HMG20A: variants seen among roughly 807,000 people sequenced by gnomAD.
HMG20A encodes high mobility group 20A.
In HMG20A, 17 loss-of-function variants were observed where a neutral mutation model predicts 43.9. The observed-to-expected ratio is 0.39, with a 90% confidence interval of 0.27 to 0.58. HMG20A has a LOEUF of 0.58. HMG20A is among the 20% of genes least tolerant of loss of function. The pLI is 0.59. For missense variants in HMG20A, 341 were observed against 438.2 expected, an observed-to-expected ratio of 0.78 and a Z score of 1.98; for synonymous variants, 132 against 147.5, an observed-to-expected ratio of 0.89 and a Z score of 0.76.
chr15:77,433,019 TGAA>T (rs1377387751), intron 1 of HMG20A, among the ~76,000 whole-genome samples: 4 of 152,234 alleles, frequency 2.6e-5, no homozygotes, highest in African/African-American at 7.2e-5. Flanking sequence ...AAAATTGACA[TGAA>T]GAAATAGAAT....
At chr15:77,515,726 T>G in the HMG20A span, among the ~76,000 whole-genome samples, 1 of 152,158 alleles carries the variant, frequency 6.6e-6, no homozygotes, top group Non-Finnish European at 1.5e-5. Context: ...CTCCAAACAT[T>G]GTAGGCCAAA....
chr15:77,471,562 T>A (rs188253325), intron 5 of HMG20A, among the ~76,000 whole-genome samples: 1 of 152,336 alleles, frequency 6.6e-6, no homozygotes, highest in East Asian at 1.9e-4. Flanking sequence ...AGTTAAGAAC[T>A]GTGTCTGCTG....
chr15:77,499,868 C>T, the HMG20A span, among the ~76,000 whole-genome samples: 2 of 151,096 alleles, frequency 1.3e-5, no homozygotes, highest in African/African-American at 4.9e-5. Flanking sequence ...CTCACTCTGT[C>T]GCCCAGCCTG....
At chr15:77,488,032 C>G (rs1595936321), downstream of HMG20A, among the ~76,000 whole-genome samples, 1 of 152,076 alleles carries the variant, frequency 6.6e-6, no homozygotes, top group South Asian at 2.1e-4. Flanking sequence ...ATTCTCTTAG[C>G]TTAGTGAAAT....
intron 1 of HMG20A, among the ~76,000 whole-genome samples, chr15:77,443,375 TG>T (rs1567394369): frequency 1.4e-3 from 192 of 134,674 alleles, no homozygotes; most frequent in East Asian, 1.9e-3. Flanking sequence ...ATGATGATGA[TG>T]ATGATTATTA....
At chr15:77,467,620 C>T (rs2072768971) in intron 4 of HMG20A, among the ~76,000 whole-genome samples, 1 of 152,152 alleles carries the variant, frequency 6.6e-6, no homozygotes. Context: ...AAATGTATTC[C>T]ACTGAGTTAA....
chr15:77,431,242 C>A (rs1315050326), intron 1 of HMG20A, among the ~76,000 whole-genome samples: 1 of 151,950 alleles, frequency 6.6e-6, no homozygotes, highest in Non-Finnish European at 1.5e-5. Flanking sequence ...GATGGAGTCT[C>A]CCTCTGTCAC....
At chr15:77,509,596 G>A in the HMG20A span, among the ~76,000 whole-genome samples, 11 of 140,226 alleles carry the variant, frequency 7.8e-5, no homozygotes, top group African/African-American at 2.8e-4. Flanking sequence ...GTGTGTGTGT[G>A]TGTGTGTGTG....
the HMG20A span, among the ~76,000 whole-genome samples, chr15:77,511,256 AATAAAT>A: frequency 5.5e-3 from 845 of 152,322 alleles, 5 homozygotes; most frequent in African/African-American, 0.018. Context: ...TGGATCTAGA[AATAAAT>A]ATAAATATAT....
the HMG20A span, among the ~76,000 whole-genome samples, chr15:77,513,882 T>C: frequency 1.3e-5 from 2 of 152,132 alleles, no homozygotes; most frequent in South Asian, 2.1e-4. Context: ...TGCGCCACCA[T>C]GCCCAGCTAA....
chr15:77,496,906 C>A, the HMG20A span, among the ~76,000 whole-genome samples: 1 of 152,256 alleles, frequency 6.6e-6, no homozygotes, highest in South Asian at 2.1e-4. Context: ...AGACAGATCC[C>A]TGGCCTTATT....
chr15:77,422,877 A>G (rs376112910), intron 1 of HMG20A, among the ~76,000 whole-genome samples: 5 of 152,326 alleles, frequency 3.3e-5, no homozygotes, highest in East Asian at 3.9e-4. Context: ...CGAAGTAAGA[A>G]TTAATTGATT....
At chr15:77,508,903 TG>T in the HMG20A span, among the ~76,000 whole-genome samples, 11 of 152,240 alleles carry the variant, frequency 7.2e-5, no homozygotes, top group African/African-American at 1.9e-4. Context: ...CTTAGGGCCC[TG>T]AAATAAAGGT....
intron 1 of HMG20A, among the ~76,000 whole-genome samples, chr15:77,429,433 C>A (rs1246100105): frequency 6.6e-6 from 1 of 152,124 alleles, no homozygotes; most frequent in East Asian, 1.9e-4. Context: ...GTCCACATGT[C>A]CTTCATTCCT....
chr15:77,439,508 G>A (rs1044514943), intron 1 of HMG20A, among the ~76,000 whole-genome samples: 4 of 151,968 alleles, frequency 2.6e-5, no homozygotes, highest in African/African-American at 9.7e-5. Context: ...ATTCTCGTGG[G>A]TCTGGCTTCT....
the HMG20A span, among the ~76,000 whole-genome samples, chr15:77,500,351 A>G: frequency 2.0e-5 from 3 of 152,174 alleles, no homozygotes; most frequent in Admixed American, 2.0e-4. Flanking sequence ...GAAAGTATTT[A>G]AGGTACCTGG....
the HMG20A span, among the ~76,000 whole-genome samples, chr15:77,519,297 G>A: frequency 8.5e-5 from 13 of 152,208 alleles, no homozygotes; most frequent in Non-Finnish European, 1.8e-4. Context: ...AGACAAGCCC[G>A]GAAGAAAGTC....
intron 1 of HMG20A, among the ~76,000 whole-genome samples, chr15:77,449,043 G>T (rs898015935): frequency 6.6e-6 from 1 of 151,896 alleles, no homozygotes; most frequent in Non-Finnish European, 1.5e-5. Flanking sequence ...AGTGAGGCTC[G>T]TCTCAAAAAT....
intron 1 of HMG20A, 176 bp from the exon 2 acceptor site, chr15:77,458,228 G>A (rs1008721966): frequency 2.0e-6 from 1 of 492,788 alleles, no homozygotes; most frequent in African/African-American, 2.0e-5. Flanking sequence ...AGGTTAAAAG[G>A]CCCATTTACC....
Sources: allele counts gnomAD v4.1 joint callset (sites outside exome capture counted in the v4.1 genomes callset), GRCh38; gene constraint gnomAD v4.1.1; transcripts MANE v1.5; gene names NCBI Gene and HGNC (gene_info 2026-07-23, HGNC 2026-07-21).